ENPP6: variants seen among roughly 807,000 people sequenced by gnomAD.
The protein encoded by ENPP6 is glycerophosphocholine cholinephosphodiesterase ENPP6.
Under a neutral mutation model 42.0 loss-of-function variants are expected in ENPP6, and 32 were observed. That is an observed-to-expected ratio of 0.76 (90% confidence interval 0.58 to 1.02). ENPP6 has a LOEUF of 1.02. ENPP6 is among the 50% of genes least tolerant of loss of function. The pLI, the probability that ENPP6 is intolerant of heterozygous loss-of-function variation, is 0.00. For missense variants in ENPP6, 552 were observed against 566.8 expected, an observed-to-expected ratio of 0.97 and a Z score of 0.27; for synonymous variants, 213 against 216.0, an observed-to-expected ratio of 0.99 and a Z score of 0.12.
intron 1 of ENPP6, among the ~76,000 whole-genome samples, chr4:184,194,119 A>G (rs949171686): frequency 6.6e-6 from 1 of 152,004 alleles, no homozygotes; most frequent in Non-Finnish European, 1.5e-5. Context: ...TCTTACCATC[A>G]TGGTCCCTCA....
At chr4:184,170,898 A>T (rs1209554147) in intron 1 of ENPP6, among the ~76,000 whole-genome samples, 1 of 152,204 alleles carries the variant, frequency 6.6e-6, no homozygotes, top group African/African-American at 2.4e-5. Context: ...CATCACCTAC[A>T]TCTGTTCCTT....
At chr4:184,208,897 G>GCAGA (rs1389584465) in intron 1 of ENPP6, among the ~76,000 whole-genome samples, 4 of 144,030 alleles carry the variant, frequency 2.8e-5, no homozygotes, top group South Asian at 2.3e-4. Flanking sequence ...CTGAGAACGG[G>GCAGA]CAGACTGCCT....
rs551104558 is a variant in ENPP6 at position 184,200,957 on chromosome 4, T to C, written c.241+16622A>G. Among the ~76,000 whole-genome samples the C allele has an allele frequency of 5.3e-5, 8 of 152,306 alleles. No individual in the cohort carries two copies. In the East Asian group the frequency reaches 5.8e-4, roughly 11 times the overall value. On this transcript the variant is annotated intron_variant, in intron 1 of 7. Coordinates refer to ENST00000296741, the MANE Select transcript of ENPP6 (RefSeq NM_153343.4). ...TCAGTATCCTGGACCAAAGTTCCAT[T>C]GCTCTCAGCCCCGACAGCCCTTTGT...
intron 1 of ENPP6, among the ~76,000 whole-genome samples, chr4:184,182,756 G>A (rs368180819): frequency 7.2e-5 from 11 of 152,292 alleles, no homozygotes; most frequent in African/African-American, 2.6e-4. Flanking sequence ...CAAATGCAAG[G>A]ACAGAAAACC....
intron 1 of ENPP6, among the ~76,000 whole-genome samples, chr4:184,166,698 G>A (rs1210132788): frequency 1.3e-5 from 2 of 152,158 alleles, no homozygotes; most frequent in Non-Finnish European, 1.5e-5. Context: ...TCTTACAGAG[G>A]CTTCTCAAAA....
At chr4:184,091,449 T>C (rs1029717002) in intron 7 of ENPP6, 67 bp from the exon 8 acceptor site, 47 of 1,415,616 alleles carry the variant, frequency 3.3e-5, no homozygotes, top group Non-Finnish European at 4.2e-5. Context: ...CTGAACGCAA[T>C]AAAGAAGAAT....
At chr4:184,209,087 C>A (rs1306401358) in intron 1 of ENPP6, among the ~76,000 whole-genome samples, 1 of 149,402 alleles carries the variant, frequency 6.7e-6, no homozygotes, top group East Asian at 1.9e-4. Flanking sequence ...CCCATCTGTA[C>A]ATCACCGTCA....
At chr4:184,117,654 G>T in intron 4 of ENPP6, 105 bp downstream of exon 4, 1 of 1,519,198 alleles carries the variant, frequency 6.6e-7, no homozygotes, top group Non-Finnish European at 9.0e-7. Flanking sequence ...TGGCCCAATT[G>T]GCCTTTAGCA....
intron 3 of ENPP6, among the ~76,000 whole-genome samples, chr4:184,123,179 G>A (rs1291633529): frequency 1.3e-5 from 2 of 152,180 alleles, no homozygotes; most frequent in Non-Finnish European, 1.5e-5. Flanking sequence ...GGGGGTGGCT[G>A]CTGCTCACCA....
At chr4:184,188,980 C>G (rs1310865450) in intron 1 of ENPP6, among the ~76,000 whole-genome samples, 3 of 152,186 alleles carry the variant, frequency 2.0e-5, no homozygotes, top group Non-Finnish European at 2.9e-5. Flanking sequence ...ATTTGCCATT[C>G]TTTGAAAATG....
intron 1 of ENPP6, among the ~76,000 whole-genome samples, chr4:184,157,774 A>ATTTTTTTTTTTTTTTTT (rs34358499): frequency 2.5e-5 from 3 of 122,348 alleles, no homozygotes; most frequent in South Asian, 2.8e-4. Flanking sequence ...AACTTGGCTA[A>ATTTTTTTTTTTTTTTTT]TTTTTTTTTT....
chr4:184,102,904 G>C (rs1004887506), intron 6 of ENPP6, among the ~76,000 whole-genome samples: 1 of 152,256 alleles, frequency 6.6e-6, no homozygotes, highest in Non-Finnish European at 1.5e-5. Flanking sequence ...TCCCCCAGGT[G>C]GTCGGGATGT....
chr4:184,215,264 T>C (rs72662145), intron 1 of ENPP6, among the ~76,000 whole-genome samples: 13,101 of 152,208 alleles, frequency 0.086, 822 homozygotes, highest in South Asian at 0.19. Flanking sequence ...TTGTGAATGC[T>C]GAGGAACCCT....
At chr4:184,110,205 A>G (rs1291015136) in intron 6 of ENPP6, among the ~76,000 whole-genome samples, 1 of 152,144 alleles carries the variant, frequency 6.6e-6, no homozygotes, top group African/African-American at 2.4e-5. Context: ...TCGGGGCCCC[A>G]GTCTACCTGA....
chr4:184,199,614 G>C (rs925039077), intron 1 of ENPP6, among the ~76,000 whole-genome samples: 5 of 152,284 alleles, frequency 3.3e-5, no homozygotes, highest in Middle Eastern at 3.4e-3. Flanking sequence ...TGCCACTTAG[G>C]CAAATTCTGT....
At chr4:184,165,474 T>C (rs1304274610) in intron 1 of ENPP6, among the ~76,000 whole-genome samples, 3 of 152,204 alleles carry the variant, frequency 2.0e-5, no homozygotes, top group Non-Finnish European at 2.9e-5. Context: ...GCCTCATCAG[T>C]TCACCAGGGC....
intron 6 of ENPP6, among the ~76,000 whole-genome samples, chr4:184,110,408 A>T (rs58437705): frequency 1.3e-5 from 2 of 152,010 alleles, no homozygotes; most frequent in Admixed American, 1.3e-4. Context: ...TTATGCACCA[A>T]GGCTCCTCAT....
intron 4 of ENPP6, among the ~76,000 whole-genome samples, chr4:184,117,485 A>G (rs1342351016): frequency 6.6e-6 from 1 of 152,176 alleles, no homozygotes. Context: ...CTGCTACCAA[A>G]CTTATTAGGA....
chr4:184,190,992 G>T (rs1254013505), intron 1 of ENPP6, among the ~76,000 whole-genome samples: 1 of 152,238 alleles, frequency 6.6e-6, no homozygotes, highest in Non-Finnish European at 1.5e-5. Flanking sequence ...CCAGGAGGTT[G>T]CTTAGTCTGA....
Sources: allele counts gnomAD v4.1 joint callset (sites outside exome capture counted in the v4.1 genomes callset), GRCh38; gene constraint gnomAD v4.1.1; transcripts MANE v1.5; gene names NCBI Gene and HGNC (gene_info 2026-07-23, HGNC 2026-07-21).